SCML4: variants seen among roughly 807,000 people sequenced by gnomAD.
SCML4 encodes sex comb on midleg-like protein 4.
In SCML4, 34 loss-of-function variants were observed where a neutral mutation model predicts 41.1. That is an observed-to-expected ratio of 0.83 (90% CI 0.63 to 1.10). SCML4 has a LOEUF of 1.10. Ranked by LOEUF, SCML4 falls within the 50% of genes least tolerant of loss-of-function variation. The pLI, the probability that SCML4 is intolerant of heterozygous loss-of-function variation, is 0.00. For missense variants in SCML4, 522 were observed against 534.1 expected, an observed-to-expected ratio of 0.98 and a Z score of 0.22; for synonymous variants, 214 against 220.9, an observed-to-expected ratio of 0.97 and a Z score of 0.28.
At chr6:107,801,510 C>A (rs1184065232) in intron 1 of SCML4, among the ~76,000 whole-genome samples, 1 of 152,140 alleles carries the variant, frequency 6.6e-6, no homozygotes, top group Non-Finnish European at 1.5e-5. Flanking sequence ...GAATAGAGTC[C>A]ATCGAGATTT....
intron 1 of SCML4, among the ~76,000 whole-genome samples, chr6:107,806,033 C>T (rs1458329660): frequency 6.6e-6 from 1 of 152,174 alleles, no homozygotes; most frequent in African/African-American, 2.4e-5. Flanking sequence ...TCCCTTGTTT[C>T]CTCATTGAAT....
chr6:107,709,442 T>C (rs144268492), intron 6 of SCML4, among the ~76,000 whole-genome samples: 35 of 152,304 alleles, frequency 2.3e-4, no homozygotes, highest in African/African-American at 8.4e-4. Context: ...CTATGTCAGG[T>C]GCTCCGCCAA....
At chr6:107,783,645 C>G (rs1296010) in intron 1 of SCML4, among the ~76,000 whole-genome samples, 35 of 99,696 alleles carry the variant, frequency 3.5e-4, no homozygotes, top group African/African-American at 1.3e-3. Context: ...TGCCTGATGG[C>G]AGGTGCTGGT....
At chr6:107,773,087 C>A (rs1341162486) in intron 1 of SCML4, among the ~76,000 whole-genome samples, 1 of 152,026 alleles carries the variant, frequency 6.6e-6, no homozygotes, top group African/African-American at 2.4e-5. Flanking sequence ...ACTTTTTGAA[C>A]AACATGATGT....
chr6:107,828,425 G>A (rs561927303), upstream of SCML4, among the ~76,000 whole-genome samples: 3 of 152,206 alleles, frequency 2.0e-5, no homozygotes, highest in African/African-American at 7.2e-5. Context: ...GAAACAGGAT[G>A]ACGCTTTGGG....
chr6:107,745,224 G>C, intron 4 of SCML4, 81 bp from the exon 5 acceptor site: 2 of 1,087,506 alleles, frequency 1.8e-6, no homozygotes, highest in Non-Finnish European at 2.6e-6. Flanking sequence ...AGGATTTTTC[G>C]TTTGTTCATT....
chr6:107,761,970 AT>A (rs1357322959), intron 2 of SCML4, among the ~76,000 whole-genome samples: 1 of 152,150 alleles, frequency 6.6e-6, no homozygotes, highest in African/African-American at 2.4e-5. Flanking sequence ...AAAATGAAGA[AT>A]TTTTTAGAGG....
At chr6:107,811,794 C>T (rs995650611) in intron 1 of SCML4, among the ~76,000 whole-genome samples, 19 of 152,268 alleles carry the variant, frequency 1.2e-4, no homozygotes, top group South Asian at 2.1e-4. Context: ...TGCCAAACAG[C>T]ATCATCTAAA....
At position 107,726,697 on chromosome 6, in the gene SCML4, C is replaced by G. The variant is rs139045905; in HGVS notation, c.683-5704G>C. 7.9e-5 allele frequency among the ~76,000 whole-genome samples: 12 copies of G among 152,196 alleles called. No homozygotes were observed. In the East Asian group the frequency reaches 1.9e-3, roughly 24 times the overall value. On this transcript the variant is annotated intron_variant, in intron 5 of 7. Transcript: ENST00000369020. ...ATCATGAGTCGAATCAAATCAAAAC[C>G]ACAATGAGTCACCACTTCACACCCA... is the stretch of plus-strand genomic sequence containing the variant.
the SCML4 span, among the ~76,000 whole-genome samples, chr6:107,845,025 C>T: frequency 6.6e-6 from 1 of 151,720 alleles, no homozygotes; most frequent in Non-Finnish European, 1.5e-5. Flanking sequence ...CATTTGAGGT[C>T]AGGAGTTCAA....
intron 2 of SCML4, among the ~76,000 whole-genome samples, chr6:107,758,132 G>C (rs1779256121): frequency 6.6e-6 from 1 of 152,208 alleles, no homozygotes; most frequent in Non-Finnish European, 1.5e-5. Flanking sequence ...GCCAGGAACT[G>C]TTCTAGGTGC....
intron 1 of SCML4, among the ~76,000 whole-genome samples, chr6:107,805,524 G>A (rs960316724): frequency 3.9e-5 from 6 of 152,170 alleles, no homozygotes; most frequent in African/African-American, 1.4e-4. Context: ...GGCAGCCACT[G>A]CTGAAATACT....
At chr6:107,754,018 T>G (rs1212888255) in intron 2 of SCML4, among the ~76,000 whole-genome samples, 2 of 152,010 alleles carry the variant, frequency 1.3e-5, no homozygotes, top group Non-Finnish European at 2.9e-5. Context: ...GAGGTGGGTG[T>G]GGTCATGAAC....
chr6:107,708,111 A>C, intron 6 of SCML4, 100 bp from the exon 7 acceptor site: 1 of 1,356,842 alleles, frequency 7.4e-7, no homozygotes, highest in Non-Finnish European at 1.0e-6. Flanking sequence ...GGGGATCCTC[A>C]GTGCCCATGA....
intron 5 of SCML4, among the ~76,000 whole-genome samples, chr6:107,735,521 C>G (rs72933110): frequency 0.045 from 6,837 of 151,634 alleles, 298 homozygotes; most frequent in East Asian, 0.12. Flanking sequence ...AGTCATGGCC[C>G]GACACAGTGG....
chr6:107,816,196 G>A (rs1326411718), intron 1 of SCML4, among the ~76,000 whole-genome samples: 1 of 152,236 alleles, frequency 6.6e-6, no homozygotes, highest in Non-Finnish European at 1.5e-5. Context: ...AGCCCCTCCT[G>A]TATTGACTTC....
the SCML4 span, among the ~76,000 whole-genome samples, chr6:107,839,059 G>A: frequency 3.0e-4 from 45 of 152,098 alleles, no homozygotes; most frequent in Non-Finnish European, 6.0e-4. Context: ...CAGTACTTTG[G>A]GAGGCCAAGG....
intron 7 of SCML4, among the ~76,000 whole-genome samples, chr6:107,705,880 C>A (rs1170932893): frequency 6.6e-6 from 1 of 152,142 alleles, no homozygotes; most frequent in Non-Finnish European, 1.5e-5. Context: ...GGGTTCAGCA[C>A]AAAGAACTAC....
At chr6:107,834,566 A>C in the SCML4 span, among the ~76,000 whole-genome samples, 1 of 152,220 alleles carries the variant, frequency 6.6e-6, no homozygotes, top group South Asian at 2.1e-4. Flanking sequence ...AGTGAAGGCC[A>C]CCAGTGACAA....
Sources: gnomAD v4.1 joint callset for allele counts (sites outside exome capture counted in the v4.1 genomes callset) on GRCh38, gnomAD v4.1.1 for gene constraint, MANE v1.5 for transcripts, NCBI Gene and HGNC (gene_info 2026-07-23, HGNC 2026-07-21) for gene names.